The following CTNNA3 variants were observed in gnomAD, a reference collection of about 807,000 sequenced individuals.
CTNNA3 encodes the protein catenin alpha 3, also known as catenin alpha-3.
In CTNNA3, 76 loss-of-function variants were observed where a neutral mutation model predicts 95.7. That is an observed-to-expected ratio of 0.79 (90% CI 0.66 to 0.96). The LOEUF (loss-of-function observed/expected upper bound fraction) is 0.96, where lower values mean the gene tolerates loss of function less well. CTNNA3 is among the 40% of genes least tolerant of loss of function. The pLI, the probability that CTNNA3 is intolerant of heterozygous loss-of-function variation, is 0.00. For synonymous variants in CTNNA3, 431 were observed against 374.4 expected (o/e 1.15, Z -1.74); for missense variants, 1,191 against 1,089.8 (o/e 1.09, Z -1.31).
Position 66,927,998 on chromosome 10 carries a change from G to A in CTNNA3, c.1048-152474C>T. The A allele has an allele frequency of 1.2e-6, 2 of 1,614,220 alleles. No homozygotes were observed. Among genetic ancestry groups the A allele is most frequent in the Non-Finnish European group, 1.7e-6 (2 of 1,180,046 alleles). ...GATGCAGTGAAGAACTACAGCATCTGTGGCAAAAGTACTACAGAGAGGTTT... is the reference window on the plus strand; with the variant it reads ...GATGCAGTGAAGAACTACAGCATCTATGGCAAAAGTACTACAGAGAGGTTT... On this transcript the variant is annotated intron_variant, in intron 7 of 17. Transcript: ENST00000433211. This position sits in a 1 kb window ranked among gnomAD's most constrained non-coding sequence, Gnocchi z 4.7.
intron 7 of CTNNA3, among the ~76,000 whole-genome samples, chr10:67,006,449 T>A (rs760870919): frequency 3.5e-4 from 53 of 152,216 alleles, no homozygotes; most frequent in Middle Eastern, 3.4e-3. Context: ...TTGAAAAGAG[T>A]AATTTTATCT....
intron 1 of CTNNA3, among the ~76,000 whole-genome samples, chr10:67,691,564 A>G (rs1840854118): frequency 6.8e-6 from 1 of 146,240 alleles, no homozygotes; most frequent in African/African-American, 2.6e-5. Context: ...GGATGTGAGG[A>G]GCGTCTCTGC....
At chr10:67,570,779 A>C (rs1350904184) in intron 3 of CTNNA3, among the ~76,000 whole-genome samples, 1 of 152,188 alleles carries the variant, frequency 6.6e-6, no homozygotes, top group East Asian at 1.9e-4. Context: ...TGACTAATGG[A>C]GCACTGCCAG....
chr10:66,768,264 G>A (rs1216195923), intron 8 of CTNNA3, among the ~76,000 whole-genome samples: 1 of 151,496 alleles, frequency 6.6e-6, no homozygotes, highest in Non-Finnish European at 1.5e-5. Flanking sequence ...ATTGAGACAT[G>A]TAGAAGGAAA....
chr10:66,752,345 T>A (rs573757301), intron 9 of CTNNA3, among the ~76,000 whole-genome samples: 1 of 152,264 alleles, frequency 6.6e-6, no homozygotes, highest in East Asian at 1.9e-4. Context: ...AGACAAATGA[T>A]AATCTTTTCA....
chr10:67,022,009 T>A (rs1208589022), intron 7 of CTNNA3, among the ~76,000 whole-genome samples: 1 of 152,212 alleles, frequency 6.6e-6, no homozygotes, highest in Admixed American at 6.5e-5. Context: ...AATTGTTAAG[T>A]CGCAATAGAC....
At chr10:66,126,095 T>C (rs919471134) in intron 13 of CTNNA3, among the ~76,000 whole-genome samples, 1 of 152,164 alleles carries the variant, frequency 6.6e-6, no homozygotes, top group African/African-American at 2.4e-5. Context: ...TCTCACTGTA[T>C]GGGGTATGGA....
intron 9 of CTNNA3, among the ~76,000 whole-genome samples, chr10:66,742,680 G>A (rs564408940): frequency 1.3e-5 from 2 of 152,232 alleles, no homozygotes; most frequent in African/African-American, 4.8e-5. Flanking sequence ...GACACTTAGG[G>A]AATACAGAAA....
Position 67,450,387 on chromosome 10 carries a change from C to T in CTNNA3, c.579+71455G>A, listed in dbSNP as rs1369567989. Among the ~76,000 whole-genome samples, 8 of 151,916 alleles carry T rather than the reference C, an allele frequency of 5.3e-5. No homozygotes were observed. In the East Asian group the frequency reaches 1.5e-3, roughly 29 times the overall value. On this transcript the variant is annotated intron_variant, in intron 5 of 17. Coordinates refer to ENST00000433211, the MANE Select transcript of CTNNA3 (RefSeq NM_013266.4). ...CACAATTCACAAACAACCTAAATGC[C>T]CATCAGCGGTAGGCTGGATAAAGAA...
intron 7 of CTNNA3, among the ~76,000 whole-genome samples, chr10:66,840,006 C>G (rs758994681): frequency 6.6e-6 from 1 of 151,978 alleles, no homozygotes; most frequent in Admixed American, 6.6e-5. Flanking sequence ...AATGAAAATC[C>G]CTCAAGTTAT....
At chr10:66,499,610 G>C (rs1031541511) in intron 11 of CTNNA3, among the ~76,000 whole-genome samples, 3 of 152,028 alleles carry the variant, frequency 2.0e-5, no homozygotes, top group African/African-American at 7.2e-5. Flanking sequence ...CCAGACTAGA[G>C]GATATATAAA....
intron 15 of CTNNA3, among the ~76,000 whole-genome samples, chr10:66,058,925 C>T (rs1409925899): frequency 2.6e-5 from 4 of 152,104 alleles, no homozygotes; most frequent in African/African-American, 9.7e-5. Context: ...AAGTTGTCTT[C>T]TTCCCATGTT....
At chr10:67,416,543 G>A (rs1845549316) in intron 5 of CTNNA3, among the ~76,000 whole-genome samples, 1 of 146,642 alleles carries the variant, frequency 6.8e-6, no homozygotes, top group Non-Finnish European at 1.5e-5. Context: ...GGGGGGCGGA[G>A]CTTGCAGTGA....
intron 5 of CTNNA3, among the ~76,000 whole-genome samples, chr10:67,463,840 C>A (rs57539133): frequency 0.068 from 10,295 of 152,132 alleles, 847 homozygotes; most frequent in East Asian, 0.35. Flanking sequence ...CATTCTAATA[C>A]AATTTTGTTT....
chr10:67,237,169 TATATAC>T (rs1865523179), intron 5 of CTNNA3, among the ~76,000 whole-genome samples: 3 of 117,650 alleles, frequency 2.5e-5, no homozygotes, highest in Non-Finnish European at 5.4e-5. Flanking sequence ...TATATATATA[TATATAC>T]ACACACAATG....
intron 7 of CTNNA3, among the ~76,000 whole-genome samples, chr10:66,826,794 G>A (rs1306747279): frequency 1.3e-5 from 2 of 152,118 alleles, no homozygotes; most frequent in Admixed American, 6.5e-5. Flanking sequence ...TTAGATCACT[G>A]CTTACGGTAT....
At position 66,420,822 on chromosome 10, in the gene CTNNA3, TA is replaced by T; in HGVS notation, c.1532-41471del. Among the ~76,000 whole-genome samples the T allele has an allele frequency of 3.5e-5, 4 of 115,490 alleles. No homozygotes were observed. The Middle Eastern group carries it at 0.013, about 367-fold the overall frequency. 75.8% of individuals were successfully genotyped at this position (115,490 alleles called of 152,430 possible). ...TCAAATAAATAAATAAATAAATAAA[TA>T]AATAAATAAATAAATAAAAAACAAT... On this transcript the variant is annotated intron_variant, in intron 11 of 17. Coordinates refer to ENST00000433211, the MANE Select transcript of CTNNA3 (RefSeq NM_013266.4).
chr10:66,152,243 T>C (rs2084243301), intron 13 of CTNNA3, among the ~76,000 whole-genome samples: 1 of 151,830 alleles, frequency 6.6e-6, no homozygotes, highest in Admixed American at 6.6e-5. Flanking sequence ...AGAATAACCA[T>C]GAAAGTTAAA....
rs140032375 is a variant in CTNNA3 at position 67,180,573 on chromosome 10, T to C, written c.844-53A>G. The C allele has an allele frequency of 8.4e-4, 1,190 of 1,424,792 alleles. 8 individuals are homozygous for C. In the African/African-American group the frequency reaches 0.015, roughly 18 times the overall value. The allele number at this position is 1,424,792 out of a possible 1,614,324, so 88.3% of individuals were successfully genotyped here. A position where few individuals can be genotyped will look rare whatever the true frequency, so the allele number is the denominator to read the frequency against. On this transcript the variant is annotated intron_variant, in intron 6 of 17. Transcript: ENST00000433211. ...AGAGCTCCATGGCATTTCACTTTTA[T>C]GAAAAACAAATGTTATTTTGTTTTT...
Sources: gnomAD v4.1 joint callset for allele counts (sites outside exome capture counted in the v4.1 genomes callset) on GRCh38, gnomAD v4.1.1 for gene constraint, Gnocchi (gnomAD v3.1) non-coding constraint, MANE v1.5 for transcripts, NCBI Gene and HGNC (gene_info 2026-07-23, HGNC 2026-07-21) for gene names.